Variants in PVALEF observed in about 807,000 individuals in gnomAD.
The protein encoded by PVALEF is parvalbumin like EF-hand containing.
Under a neutral mutation model 1.2 loss-of-function variants are expected in PVALEF, and 2 were observed. The ratio of observed to expected loss-of-function variants is 1.68; its 90% CI spans 0.69 to 5.28. PVALEF has a LOEUF of 5.28. Ranked by LOEUF, PVALEF falls within the 30% of genes most tolerant of loss-of-function variation. The pLI, the probability that PVALEF is intolerant of heterozygous loss-of-function variation, is 0.06. For missense variants in PVALEF, 35 were observed against 17.7 expected (o/e 1.97, Z -1.75); for synonymous variants, 16 against 6.5 (o/e 2.47, Z -2.24).
At chr17:81,182,550 G>A (rs898905059) in intron 6 of PVALEF, among the ~76,000 whole-genome samples, 1 of 152,174 alleles carries the variant, frequency 6.6e-6, no homozygotes, top group Non-Finnish European at 1.5e-5. Flanking sequence ...GTGGCGGGGG[G>A]GTCACAAGGC....
chr17:81,181,789 C>T lies in PVALEF; in HGVS notation c.242+95C>T, dbSNP rs1191785121. 3.5e-5 allele frequency: 14 copies of T among 398,248 alleles called. No homozygotes were observed. The South Asian group carries it at 1.2e-3, about 34-fold the overall frequency. The allele number at this position is 398,248 out of a possible 1,614,324, so 24.7% of individuals were successfully genotyped here. A position where few individuals can be genotyped will look rare whatever the true frequency, so the allele number is the denominator to read the frequency against. On this transcript the variant is annotated intron_variant, in intron 5 of 6. Transcript: ENST00000637878. ...ACCCGGCCTTCCCCCACCGGGTCCC[C>T]GCTGGCCTTGCAGCTGGCAGGGCTG...
At position 81,181,955 on chromosome 17, in the gene PVALEF, C is replaced by A; in HGVS notation, c.243-11C>A. The A allele has an allele frequency of 2.5e-6, 1 of 398,580 alleles. No homozygotes were observed. Among genetic ancestry groups the A allele is most frequent in the South Asian group, 1.3e-4 (1 of 7,860 alleles). 24.7% of individuals were successfully genotyped at this position (398,580 alleles called of 1,614,324 possible). Reference sequence around the variant, plus strand: ...GCCCCTTGGCCCTGACTCGAGCCCCCTTGGCCCCAGGTACATCCTGTCCAT... The same window carrying A: ...GCCCCTTGGCCCTGACTCGAGCCCCATTGGCCCCAGGTACATCCTGTCCAT... On this transcript the variant is annotated splice_polypyrimidine_tract_variant and intron_variant, in intron 5 of 6. Transcript: ENST00000637878.
At position 81,181,159 on chromosome 17, in the gene PVALEF, G is replaced by C. The variant is rs532327359; in HGVS notation, c.-68G>C. The stretch of plus-strand genomic sequence containing the variant: ...ACCACGCGGCGTCTACGTCTGCTCT[G>C]GCCCAAGCAGCACCCCCAATCCGTG... On this transcript the variant is annotated 5_prime_UTR_variant, in exon 4 of 7. Transcript: ENST00000637878. 2.9e-6 allele frequency: 2 copies of C among 697,748 alleles called. No homozygotes were observed. Among genetic ancestry groups the C allele is most frequent in the African/African-American group, 3.5e-5 (2 of 57,288 alleles). The allele number at this position is 697,748 out of a possible 1,614,324, so 43.2% of individuals were successfully genotyped here.
intron 2 of PVALEF, among the ~76,000 whole-genome samples, chr17:81,168,345 T>C (rs2061506488): frequency 6.6e-6 from 1 of 152,182 alleles, no homozygotes; most frequent in Non-Finnish European, 1.5e-5. Context: ...GCTGTGGATC[T>C]TCTTGGGGCT....
At chr17:81,179,459 G>A (rs542851135) in intron 3 of PVALEF, among the ~76,000 whole-genome samples, 8 of 152,336 alleles carry the variant, frequency 5.3e-5, no homozygotes, top group African/African-American at 1.9e-4. Flanking sequence ...TACAAGAGGC[G>A]GCTGTGAGCT....
chr17:81,172,973 G>T (rs1420202399), intron 2 of PVALEF, among the ~76,000 whole-genome samples: 1 of 152,130 alleles, frequency 6.6e-6, no homozygotes, highest in African/African-American at 2.4e-5. Context: ...AGGTGGAGAA[G>T]CGGCGGCGTG....
At chr17:81,167,981 G>A (rs1024411228) in intron 2 of PVALEF, among the ~76,000 whole-genome samples, 3 of 152,278 alleles carry the variant, frequency 2.0e-5, no homozygotes, top group South Asian at 2.1e-4. Context: ...CTGTGATCCT[G>A]GAGTGCTCCA....
At chr17:81,180,375 G>A (rs972266536) in intron 3 of PVALEF, among the ~76,000 whole-genome samples, 2 of 151,904 alleles carry the variant, frequency 1.3e-5, no homozygotes, top group African/African-American at 2.4e-5. Context: ...TGGGGAAGGT[G>A]AGCCAGAGTC....
rs1256815051 is a variant in PVALEF at position 81,165,546 on chromosome 17, G to T, written c.-709G>T. The T allele has an allele frequency of 8.2e-6, 8 of 981,354 alleles. No individual in the cohort carries two copies. The highest frequency in any genetic ancestry group is 1.1e-5 in the Non-Finnish European group (8 of 700,978). The allele number at this position is 981,354 out of a possible 1,614,324, so 60.8% of individuals were successfully genotyped here. A position where few individuals can be genotyped will look rare whatever the true frequency, so the allele number is the denominator to read the frequency against. ...CTGGGAAGAAGCCTCCCACGCCAGGGCCCCGGACCCAGGAGAGGCCATGGA... is the reference window on the plus strand; with the variant it reads ...CTGGGAAGAAGCCTCCCACGCCAGGTCCCCGGACCCAGGAGAGGCCATGGA... On this transcript the variant is annotated 5_prime_UTR_variant, in exon 1 of 7. Coordinates refer to ENST00000637878, the MANE Select transcript of PVALEF (RefSeq NM_001354639.2).
At chr17:81,181,490 C>T (rs930676664) in intron 4 of PVALEF, 69 bp from the exon 5 acceptor site, 6 of 489,658 alleles carry the variant, frequency 1.2e-5, no homozygotes, top group Non-Finnish European at 1.4e-5. Context: ...CATCCCAGGG[C>T]GGGGTCTTCC....
rs777525513 is a variant in PVALEF at position 81,181,331 on chromosome 17, C to T, written c.105C>T (p.His35=). The T allele has an allele frequency of 2.5e-5, 17 of 672,462 alleles. No homozygotes were observed. Among genetic ancestry groups the T allele is most frequent in the Middle Eastern group, 4.7e-4 (2 of 4,246 alleles). The allele number at this position is 672,462 out of a possible 1,614,324, so 41.7% of individuals were successfully genotyped here. A position where few individuals can be genotyped will look rare whatever the true frequency, so the allele number is the denominator to read the frequency against. The change falls in exon 4 of 7, where the codon CAC becomes CAT. Residue 35 remains histidine, a splice_region_variant and synonymous_variant. Coordinates refer to ENST00000637878, the MANE Select transcript of PVALEF (RefSeq NM_001354639.2). Reference sequence around the variant, plus strand: ...TGCTGCCCACAGACATGAGACACCACGGTACAGCATGCCCCCGCCCGGCGC... The same window carrying T: ...TGCTGCCCACAGACATGAGACACCATGGTACAGCATGCCCCCGCCCGGCGC... The part of the protein sequence containing the change: ...IELLPTDMRH[H]GSFNYLKFFK...
chr17:81,182,543 G>A (rs1372837900), intron 6 of PVALEF, among the ~76,000 whole-genome samples: 13 of 152,188 alleles, frequency 8.5e-5, no homozygotes, highest in African/African-American at 2.7e-4. Flanking sequence ...CTGGCTTGTG[G>A]CGGGGGGGTC....
chr17:81,170,157 TGGTGTGTGTGCATGTGTA>T (rs990335496), intron 2 of PVALEF, among the ~76,000 whole-genome samples: 4 of 149,908 alleles, frequency 2.7e-5, no homozygotes, highest in East Asian at 2.0e-4. Flanking sequence ...TGTGCATATG[TGGTGTGTGTGCATGTGTA>T]GGTGTGTGTG....
At chr17:81,173,589 A>T (rs2061527473) in intron 2 of PVALEF, among the ~76,000 whole-genome samples, 1 of 152,188 alleles carries the variant, frequency 6.6e-6, no homozygotes. Flanking sequence ...CAAGAAACAC[A>T]CTATCTACCA....
chr17:81,165,662 G>A lies in PVALEF; in HGVS notation c.-593G>A, dbSNP rs1194159282. 7 of 1,500,338 alleles carry A rather than the reference G, an allele frequency of 4.7e-6. No homozygotes were observed. The highest frequency in any genetic ancestry group is 6.2e-6 in the Non-Finnish European group (7 of 1,124,222). The allele number at this position is 1,500,338 out of a possible 1,614,324, so 92.9% of individuals were successfully genotyped here. A position where few individuals can be genotyped will look rare whatever the true frequency, so the allele number is the denominator to read the frequency against. ...TCCTGGACACCAGGGGCCCACGCAG[G>A]CCCTCCGTGCCCCAGTTACCTGTGC... On this transcript the variant is annotated 5_prime_UTR_variant, in exon 1 of 7. Coordinates refer to ENST00000637878, the MANE Select transcript of PVALEF (RefSeq NM_001354639.2).
chr17:81,175,693 A>C (rs1360338114), intron 2 of PVALEF, among the ~76,000 whole-genome samples: 9 of 152,344 alleles, frequency 5.9e-5, no homozygotes, highest in Admixed American at 5.2e-4. Flanking sequence ...GGGAAAAAAC[A>C]GTCTTTCAAC....
chr17:81,180,600 C>T (rs986286515), intron 3 of PVALEF, among the ~76,000 whole-genome samples: 3 of 152,178 alleles, frequency 2.0e-5, no homozygotes, highest in Non-Finnish European at 2.9e-5. Flanking sequence ...AAGGGGCAGG[C>T]GTCTCCCCAC....
Position 81,166,681 on chromosome 17 carries a change from C to G in PVALEF, c.-503C>G, listed in dbSNP as rs1488054505. 1 of 453,804 alleles carries G rather than the reference C, an allele frequency of 2.2e-6. No individual in the cohort carries two copies. The highest frequency in any genetic ancestry group is 4.4e-6 in the Non-Finnish European group (1 of 226,574). 28.1% of individuals were successfully genotyped at this position (453,804 alleles called of 1,614,324 possible). A position where few individuals can be genotyped will look rare whatever the true frequency, so the allele number is the denominator to read the frequency against. On this transcript the variant is annotated 5_prime_UTR_variant, in exon 2 of 7. Transcript: ENST00000637878. ...GGGCCCTCGCCTCACTTGCAGGTTTCGAGGCGGCTGGCAGCCGCCCCCCCA... is the reference window on the plus strand; with the variant it reads ...GGGCCCTCGCCTCACTTGCAGGTTTGGAGGCGGCTGGCAGCCGCCCCCCCA...
At chr17:81,180,999 G>A (rs950698185) in intron 3 of PVALEF, 124 bp from the exon 4 acceptor site, 36 of 503,738 alleles carry the variant, frequency 7.1e-5, no homozygotes, top group Non-Finnish European at 1.2e-4. Context: ...GGATGGCCCG[G>A]CCCCTCCCGC....
Sources: gnomAD v4.1 joint callset for allele counts (sites outside exome capture counted in the v4.1 genomes callset) on GRCh38, gnomAD v4.1.1 for gene constraint, MANE v1.5 for transcripts, NCBI Gene and HGNC (gene_info 2026-07-23, HGNC 2026-07-21) for gene names.